Variants in ASAP2 observed in about 807,000 individuals in gnomAD.
ASAP2 encodes the protein ArfGAP with SH3 domain, ankyrin repeat and PH domain 2.
Under a neutral mutation model 131.4 loss-of-function variants are expected in ASAP2, and 45 were observed. That is an observed-to-expected ratio of 0.34 (90% CI 0.27 to 0.44). The LOEUF (loss-of-function observed/expected upper bound fraction) is 0.44, where lower values mean the gene tolerates loss of function less well. Among genes scored for constraint, ASAP2 ranks in the 20% least tolerant of loss-of-function variants. The probability of loss-of-function intolerance (pLI) is 1.00; values close to 1 mark genes in which losing one functional copy is unlikely to be tolerated. For missense variants in ASAP2, 1,011 were observed against 1,297.0 expected, an observed-to-expected ratio of 0.78 and a Z score of 3.39; for synonymous variants, 510 against 503.0, an observed-to-expected ratio of 1.01 and a Z score of -0.19.
intron 6 of ASAP2, 37 bp downstream of exon 6, chr2:9,323,287 C>T (rs1670267060): frequency 6.2e-7 from 1 of 1,611,846 alleles, no homozygotes; most frequent in Non-Finnish European, 8.5e-7. Flanking sequence ...ACAGCCCAGG[C>T]TGTGCCGGCT....
chr2:9,267,013 A>G (rs531353176), intron 1 of ASAP2, among the ~76,000 whole-genome samples: 2 of 152,204 alleles, frequency 1.3e-5, no homozygotes, highest in Admixed American at 6.5e-5. Flanking sequence ...TTTTGGCAAC[A>G]TTTTCTGGTT....
At chr2:9,302,112 C>T (rs550462256) in intron 3 of ASAP2, among the ~76,000 whole-genome samples, 5 of 144,442 alleles carry the variant, frequency 3.5e-5, no homozygotes, top group South Asian at 4.4e-4. Flanking sequence ...CGTGAGCCAC[C>T]GCGCCCGGCC....
At position 9,267,171 on chromosome 2, in the gene ASAP2, G is replaced by C. The variant is rs141387850; in HGVS notation, c.127-12146G>C. 1.1e-4 allele frequency among the ~76,000 whole-genome samples: 17 copies of C among 151,892 alleles called. 1 individual carries two copies. The East Asian group carries it at 3.3e-3, about 29-fold the overall frequency. ...AAATTCAACTTTTATTTTAGATCGGGGGGTACATGTGTAGGTTTGCTACGT... is the reference window on the plus strand; with the variant it reads ...AAATTCAACTTTTATTTTAGATCGGCGGGTACATGTGTAGGTTTGCTACGT... On this transcript the variant is annotated intron_variant, in intron 1 of 27. Transcript: ENST00000281419.
intron 27 of ASAP2, 42 bp downstream of exon 27, chr2:9,401,438 C>A (rs772932553): frequency 2.5e-6 from 4 of 1,602,640 alleles, no homozygotes; most frequent in South Asian, 1.1e-5. Context: ...GGGGCTGAGC[C>A]ACGTCCCTGC....
intron 1 of ASAP2, among the ~76,000 whole-genome samples, chr2:9,260,763 A>G (rs1665522551): frequency 6.6e-6 from 1 of 152,166 alleles, no homozygotes; most frequent in South Asian, 2.1e-4. Context: ...GAAGTTGAAG[A>G]TGGAGAAATG....
At chr2:9,374,416 C>T (rs963542205) in intron 16 of ASAP2, among the ~76,000 whole-genome samples, 2 of 152,116 alleles carry the variant, frequency 1.3e-5, no homozygotes, top group South Asian at 2.1e-4. Context: ...GCAGGGCATG[C>T]GGATTGGAAG....
intron 23 of ASAP2, 145 bp downstream of exon 23, chr2:9,391,341 G>T: frequency 1.7e-6 from 2 of 1,194,704 alleles, no homozygotes; most frequent in South Asian, 1.5e-5. Context: ...CTTGTGCAGG[G>T]CTCTCAGCTC....
intron 1 of ASAP2, chr2:9,271,610 G>C (rs1572315818): frequency 8.2e-7 from 1 of 1,222,256 alleles, no homozygotes; most frequent in East Asian, 2.4e-5. Flanking sequence ...AAATAGTGGA[G>C]GTTCTGGATA....
At chr2:9,293,415 T>C (rs1229049816) in intron 2 of ASAP2, among the ~76,000 whole-genome samples, 1 of 152,222 alleles carries the variant, frequency 6.6e-6, no homozygotes, top group Non-Finnish European at 1.5e-5. Context: ...AAGATACATT[T>C]GAACAAGGGG....
intron 2 of ASAP2, among the ~76,000 whole-genome samples, chr2:9,293,010 C>T (rs1350749998): frequency 3.9e-5 from 6 of 152,268 alleles, no homozygotes; most frequent in Non-Finnish European, 4.4e-5. Context: ...GTAGAGGGGG[C>T]GCAAAGGAGC....
intron 9 of ASAP2, among the ~76,000 whole-genome samples, chr2:9,338,496 C>G (rs1391307162): frequency 6.6e-6 from 1 of 152,184 alleles, no homozygotes; most frequent in East Asian, 1.9e-4. Flanking sequence ...CTTACATGCC[C>G]AAATCTGGCC....
intron 7 of ASAP2, among the ~76,000 whole-genome samples, chr2:9,334,455 A>G (rs912327187): frequency 2.0e-5 from 3 of 152,132 alleles, no homozygotes; most frequent in African/African-American, 7.2e-5. Context: ...TCAGATGCAG[A>G]ACCTCTCCCG....
At chr2:9,249,693 G>T (rs1050353825) in intron 1 of ASAP2, among the ~76,000 whole-genome samples, 1 of 151,528 alleles carries the variant, frequency 6.6e-6, no homozygotes, top group Admixed American at 6.6e-5. Flanking sequence ...GCGCTGGGCT[G>T]AGATTGCTGG....
intron 4 of ASAP2, among the ~76,000 whole-genome samples, chr2:9,319,540 G>T (rs1670022297): frequency 6.6e-6 from 1 of 152,246 alleles, no homozygotes; most frequent in East Asian, 1.9e-4. Context: ...AGGGAGCAGG[G>T]CTCAGTGCTG....
At chr2:9,271,084 C>T (rs1478361014) in intron 1 of ASAP2, among the ~76,000 whole-genome samples, 4 of 148,684 alleles carry the variant, frequency 2.7e-5, no homozygotes, top group East Asian at 1.9e-4. Context: ...TGAGCCACCG[C>T]GCCCGGCCCT....
rs111911978 is a variant in ASAP2 at position 9,360,888 on chromosome 2, A to T, written c.1461+1999A>T. Among the ~76,000 whole-genome samples, 1,012 of 152,316 alleles carry T rather than the reference A, an allele frequency of 6.6e-3. 11 individuals carry two copies. Among genetic ancestry groups the T allele is most frequent in the African/African-American group, 0.023 (959 of 41,562 alleles). On this transcript the variant is annotated intron_variant, in intron 15 of 27. Coordinates refer to ENST00000281419, the MANE Select transcript of ASAP2 (RefSeq NM_003887.3). ...TTCCTGAAATTTTAACAGTTGACTC[A>T]TATGAGCTGGTAGGAGCCCGACCCC...
rs1663252881 is a variant in ASAP2 at position 9,232,698 on chromosome 2, A to G, written c.126+25468A>G. ...ATGTTTAATATGTGTTTGTTGAATG[A>G]ATAAAACTGACAGGCAACTACAGCT... On this transcript the variant is annotated intron_variant, in intron 1 of 27. Transcript: ENST00000281419. This position sits in a 1 kb window ranked among gnomAD's most constrained non-coding sequence, Gnocchi z 4.1. 6.6e-6 allele frequency among the ~76,000 whole-genome samples: 1 copy of G among 152,212 alleles called. No homozygotes were observed. Among genetic ancestry groups the G allele is most frequent in the South Asian group, 2.1e-4 (1 of 4,832 alleles).
At chr2:9,318,114 G>T (rs1669921140) in intron 3 of ASAP2, among the ~76,000 whole-genome samples, 3 of 152,188 alleles carry the variant, frequency 2.0e-5, no homozygotes, top group Admixed American at 1.3e-4. Flanking sequence ...GGGGCCTGGG[G>T]CCCAGAGCAC....
At chr2:9,381,774 G>A (rs1056119634) in intron 20 of ASAP2, among the ~76,000 whole-genome samples, 8 of 151,988 alleles carry the variant, frequency 5.3e-5, no homozygotes, top group African/African-American at 1.7e-4. Context: ...GTGGTGGCAC[G>A]CACCTGCAGT....
Sources: gnomAD v4.1 joint callset for allele counts (sites outside exome capture counted in the v4.1 genomes callset) on GRCh38, gnomAD v4.1.1 for gene constraint, Gnocchi (gnomAD v3.1) non-coding constraint, MANE v1.5 for transcripts, NCBI Gene and HGNC (gene_info 2026-07-23, HGNC 2026-07-21) for gene names.